UBA6: variants seen among roughly 807,000 people sequenced by gnomAD.
UBA6 encodes the protein ubiquitin like modifier activating enzyme 6.
Under a neutral mutation model 148.3 loss-of-function variants are expected in UBA6, and 87 were observed. That is an observed-to-expected ratio of 0.59 (90% confidence interval 0.49 to 0.70). The LOEUF (loss-of-function observed/expected upper bound fraction) is 0.70, where lower values mean the gene tolerates loss of function less well. Ranked by LOEUF, UBA6 falls within the 30% of genes least tolerant of loss-of-function variation. UBA6 has a pLI of 0.00. For missense variants in UBA6, 1,186 were observed against 1,241.2 expected (o/e 0.96, Z 0.67); for synonymous variants, 376 against 401.0 (o/e 0.94, Z 0.75).
chr4:67,668,721 CTTT>C lies in UBA6; in HGVS notation c.670-50_670-48del, dbSNP rs111235920. 1,025 of 1,528,028 alleles carry C rather than the reference CTTT, an allele frequency of 6.7e-4. 4 individuals carry two copies. The African/African-American group carries it at 0.013, about 19-fold the overall frequency. The allele number at this position is 1,528,028 out of a possible 1,614,324, so 94.7% of individuals were successfully genotyped here. ...TAAAAAAGAACTTCTTTTTTGTATT[CTTT>C]GTGTACAAATTCAAATCTTAAGCAA... On this transcript the variant is annotated intron_variant, in intron 8 of 32. Coordinates refer to ENST00000322244, the MANE Select transcript of UBA6 (RefSeq NM_018227.6).
chr4:67,621,320 G>A (rs1241105269), intron 32 of UBA6, among the ~76,000 whole-genome samples: 1 of 152,230 alleles, frequency 6.6e-6, no homozygotes, highest in African/African-American at 2.4e-5. Flanking sequence ...GATTATCATA[G>A]TTAAAGCCAA....
intron 27 of UBA6, among the ~76,000 whole-genome samples, chr4:67,626,898 A>G (rs1728881878): frequency 6.6e-6 from 1 of 151,996 alleles, no homozygotes; most frequent in South Asian, 2.1e-4. Flanking sequence ...TGATTCTGAC[A>G]AATCTACTTT....
intron 2 of UBA6, among the ~76,000 whole-genome samples, chr4:67,695,385 ACTT>A (rs1257046502): frequency 6.6e-6 from 1 of 152,204 alleles, no homozygotes; most frequent in Non-Finnish European, 1.5e-5. Flanking sequence ...GAAATAGTTG[ACTT>A]CTTATCACTT....
intron 4 of UBA6, among the ~76,000 whole-genome samples, chr4:67,680,784 T>A (rs1730414125): frequency 6.6e-6 from 1 of 152,176 alleles, no homozygotes; most frequent in Non-Finnish European, 1.5e-5. Flanking sequence ...TCTTCTCCTG[T>A]CTTACTTGTT....
In UBA6 at chr4:67,648,546, G is replaced by A. The variant is rs371895438; in HGVS notation, c.1248+522C>T. Among the ~76,000 whole-genome samples the A allele has an allele frequency of 3.9e-5, 6 of 152,096 alleles. No homozygotes were observed. In the East Asian group the frequency reaches 7.7e-4, roughly 20 times the overall value. ...TGGTGTTTCAACAGAGAGAGGGCCTGGAGGCAGTATCCTTTCACACCTTGT... is the reference window on the plus strand; with the variant it reads ...TGGTGTTTCAACAGAGAGAGGGCCTAGAGGCAGTATCCTTTCACACCTTGT... On this transcript the variant is annotated intron_variant, in intron 14 of 32. Transcript: ENST00000322244.
chr4:67,659,652 A>ATGTATT (rs1729799839), intron 13 of UBA6, among the ~76,000 whole-genome samples: 1 of 151,920 alleles, frequency 6.6e-6, no homozygotes, highest in Non-Finnish European at 1.5e-5. Context: ...TTTATATAGC[A>ATGTATT]TATGCAGTGT....
chr4:67,643,574 T>G (rs1325904226), intron 17 of UBA6, among the ~76,000 whole-genome samples: 1 of 152,066 alleles, frequency 6.6e-6, no homozygotes, highest in Non-Finnish European at 1.5e-5. Context: ...TTACTTAAAG[T>G]TTTGGACAAA....
intron 22 of UBA6, among the ~76,000 whole-genome samples, chr4:67,634,033 C>T (rs1317681566): frequency 6.6e-6 from 1 of 151,964 alleles, no homozygotes. Flanking sequence ...TTTTGTGAGT[C>T]GAACATGCTC....
chr4:67,663,374 G>C (rs1170756707), intron 11 of UBA6, 159 bp from the exon 12 acceptor site: 6 of 515,386 alleles, frequency 1.2e-5, no homozygotes, highest in African/African-American at 5.9e-5. Context: ...CTGAAGGTTA[G>C]AAGTTAAATG....
At chr4:67,675,411 C>T (rs1462576437) in intron 6 of UBA6, among the ~76,000 whole-genome samples, 1 of 152,124 alleles carries the variant, frequency 6.6e-6, no homozygotes, top group Non-Finnish European at 1.5e-5. Context: ...TATAATCTTT[C>T]TCAAATAATT....
chr4:67,684,905 A>G (rs1245294364), intron 2 of UBA6, among the ~76,000 whole-genome samples: 11 of 152,296 alleles, frequency 7.2e-5, no homozygotes, highest in African/African-American at 2.6e-4. Context: ...ATACTATGAG[A>G]TAATTTCTAT....
intron 2 of UBA6, among the ~76,000 whole-genome samples, chr4:67,691,757 A>ACATTT (rs1246683704): frequency 6.6e-6 from 1 of 152,114 alleles, no homozygotes; most frequent in Non-Finnish European, 1.5e-5. Flanking sequence ...TGGTTGCCTG[A>ACATTT]CATTTCAAGA....
chr4:67,623,067 A>G (rs1229416650), intron 31 of UBA6, 68 bp downstream of exon 31: 1 of 1,407,376 alleles, frequency 7.1e-7, no homozygotes, highest in East Asian at 2.4e-5. Context: ...CAATAAAATT[A>G]TAAATAAAAA....
chr4:67,684,951 C>T (rs1437891154), intron 2 of UBA6, among the ~76,000 whole-genome samples: 6 of 152,222 alleles, frequency 3.9e-5, no homozygotes, highest in African/African-American at 1.4e-4. Flanking sequence ...AATACATAAG[C>T]ACCTAGAATT....
chr4:67,676,064 C>T (rs1730272890), intron 6 of UBA6, among the ~76,000 whole-genome samples: 1 of 136,968 alleles, frequency 7.3e-6, no homozygotes, highest in African/African-American at 2.8e-5. Flanking sequence ...GTTCTTGTTG[C>T]CCAGGCTGGA....
chr4:67,677,810 C>A, intron 5 of UBA6, 88 bp from the exon 6 acceptor site: 1 of 608,008 alleles, frequency 1.6e-6, no homozygotes, highest in South Asian at 2.7e-5. Context: ...ATCAGAGGAA[C>A]CTGACATGTT....
At chr4:67,675,923 C>G (rs1210970398) in intron 6 of UBA6, among the ~76,000 whole-genome samples, 1 of 151,938 alleles carries the variant, frequency 6.6e-6, no homozygotes, top group East Asian at 1.9e-4. Context: ...CTGGAATACC[C>G]TGTAACTTAG....
intron 6 of UBA6, among the ~76,000 whole-genome samples, chr4:67,676,110 G>A (rs6841553): frequency 4.2e-5 from 6 of 141,588 alleles, no homozygotes; most frequent in African/African-American, 1.3e-4. Flanking sequence ...TGCAACTTCC[G>A]CCTCCCGGGT....
Position 67,624,145 on chromosome 4 carries a change from C to G in UBA6, c.2821G>C (p.Val941Leu). ...PIVVFTETTE[V>L]RKTKIRNGIS... ...ACATACCTGATTTTAGTTTTCCTTA[C>G]TTCAGTTGTCTCTGTAAATACTACA... Residue 941 changes from valine (V) to leucine (L), a missense_variant, in exon 30 of 33, where the codon GTA (valine) becomes CTA (leucine). Coordinates refer to ENST00000322244, the MANE Select transcript of UBA6 (RefSeq NM_018227.6). 6.3e-7 allele frequency: 1 copy of G among 1,595,524 alleles called. No individual in the cohort carries two copies. The highest frequency in any genetic ancestry group is 8.5e-7 in the Non-Finnish European group (1 of 1,172,616).
Sources: allele counts gnomAD v4.1 joint callset (sites outside exome capture counted in the v4.1 genomes callset), GRCh38; gene constraint gnomAD v4.1.1; transcripts MANE v1.5; gene names NCBI Gene and HGNC (gene_info 2026-07-23, HGNC 2026-07-21).